The following CRISPLD2 variants were observed in gnomAD, a reference collection of about 807,000 sequenced individuals.
CRISPLD2 encodes the protein cysteine-rich secretory protein LCCL domain-containing 2.
In CRISPLD2, 47 loss-of-function variants were observed where a neutral mutation model predicts 71.1. The observed-to-expected ratio is 0.66, with a 90% CI of 0.52 to 0.84. CRISPLD2 has a LOEUF of 0.84. CRISPLD2 is among the 40% of genes least tolerant of loss of function. The pLI, the probability that CRISPLD2 is intolerant of heterozygous loss-of-function variation, is 0.00. For missense variants in CRISPLD2, 830 were observed against 651.1 expected (o/e 1.27, Z -2.99); for synonymous variants, 317 against 250.1 (o/e 1.27, Z -2.52).
At chr16:84,902,073 A>T (rs965295044) in intron 14 of CRISPLD2, among the ~76,000 whole-genome samples, 5 of 151,912 alleles carry the variant, frequency 3.3e-5, no homozygotes, top group Admixed American at 3.3e-4. Context: ...TGCTGGGATG[A>T]CAGGCGTGAG....
chr16:84,858,750 C>T (rs1470046602), intron 6 of CRISPLD2, among the ~76,000 whole-genome samples: 1 of 152,246 alleles, frequency 6.6e-6, no homozygotes, highest in Non-Finnish European at 1.5e-5. Context: ...GCTGGCCTTT[C>T]AGCTGAAGGC....
At chr16:84,896,581 AT>A (rs1425061905) in intron 14 of CRISPLD2, among the ~76,000 whole-genome samples, 1 of 152,002 alleles carries the variant, frequency 6.6e-6, no homozygotes, top group East Asian at 1.9e-4. Flanking sequence ...GTGTTAGGTG[AT>A]TTTGCTCAGC....
Position 84,889,381 on chromosome 16 carries a change from A to C in CRISPLD2, c.1439+18A>C. 1 of 1,598,002 alleles carries C rather than the reference A, an allele frequency of 6.3e-7. No individual in the cohort carries two copies. Among genetic ancestry groups the C allele is most frequent in the Non-Finnish European group, 8.5e-7 (1 of 1,169,834 alleles). On this transcript the variant is annotated intron_variant, in intron 14 of 14. Transcript: ENST00000262424. ...TCTGAAAGGTAGGGTGGTGTTCTCCAACCCTTGACACCCAATCCCGGCTGC... is the reference window on the plus strand; with the variant it reads ...TCTGAAAGGTAGGGTGGTGTTCTCCCACCCTTGACACCCAATCCCGGCTGC...
intron 8 of CRISPLD2, among the ~76,000 whole-genome samples, chr16:84,870,532 G>T (rs1449217005): frequency 3.3e-5 from 5 of 152,050 alleles, no homozygotes; most frequent in Non-Finnish European, 5.9e-5. Context: ...GGCCAGGCTG[G>T]TCTCAAACTC....
At chr16:84,860,039 G>A (rs1917339346) in intron 6 of CRISPLD2, among the ~76,000 whole-genome samples, 1 of 151,704 alleles carries the variant, frequency 6.6e-6, no homozygotes, top group African/African-American at 2.4e-5. Flanking sequence ...GAATGAGTAG[G>A]TCCAAAATGA....
intron 14 of CRISPLD2, among the ~76,000 whole-genome samples, chr16:84,900,180 G>T (rs574558513): frequency 1.2e-4 from 19 of 152,184 alleles, no homozygotes; most frequent in African/African-American, 4.6e-4. Flanking sequence ...CTCTCCGAGT[G>T]CTCCCATCTG....
intron 1 of CRISPLD2, among the ~76,000 whole-genome samples, chr16:84,822,024 G>A (rs921331363): frequency 6.6e-6 from 1 of 152,232 alleles, no homozygotes; most frequent in Non-Finnish European, 1.5e-5. Flanking sequence ...CCAGCCACAT[G>A]ACTGTCCCAG....
intron 1 of CRISPLD2, among the ~76,000 whole-genome samples, chr16:84,827,708 A>T (rs1029298459): frequency 3.3e-5 from 5 of 152,038 alleles, no homozygotes; most frequent in Non-Finnish European, 7.4e-5. Context: ...CTGGGACTAC[A>T]GGCATGTGCC....
At chr16:84,825,507 G>A (rs1269084182) in intron 1 of CRISPLD2, among the ~76,000 whole-genome samples, 1 of 152,152 alleles carries the variant, frequency 6.6e-6, no homozygotes, top group African/African-American at 2.4e-5. Context: ...TATAGTCTCA[G>A]CACTTTGGGA....
intron 13 of CRISPLD2, among the ~76,000 whole-genome samples, chr16:84,887,616 C>T (rs1177061445): frequency 1.3e-5 from 2 of 152,220 alleles, no homozygotes; most frequent in African/African-American, 4.8e-5. Context: ...GCGGCTCACG[C>T]CTGTAGTCCC....
intron 3 of CRISPLD2, among the ~76,000 whole-genome samples, chr16:84,847,855 A>C (rs955830839): frequency 6.6e-6 from 1 of 152,172 alleles, no homozygotes; most frequent in South Asian, 2.1e-4. Flanking sequence ...ATACAATATC[A>C]GGAAATTTTC....
At chr16:84,893,026 G>A (rs983242089) in intron 14 of CRISPLD2, among the ~76,000 whole-genome samples, 44 of 145,486 alleles carry the variant, frequency 3.0e-4, no homozygotes, top group African/African-American at 1.1e-3. Context: ...TATTCATCAC[G>A]CACCTGTGCT....
At position 84,882,157 on chromosome 16, in the gene CRISPLD2, A is replaced by G. The variant is rs185179890; in HGVS notation, c.1305+1573A>G. Among the ~76,000 whole-genome samples the G allele has an allele frequency of 3.3e-5, 5 of 152,294 alleles. No individual in the cohort carries two copies. The East Asian group carries it at 9.6e-4, about 29-fold the overall frequency. On this transcript the variant is annotated intron_variant, in intron 13 of 14. Transcript: ENST00000262424. ...TAAAAATAAAGAGCTGGGCAAAGCA[A>G]TCCCAGCCAAATACAAACAAACACA... is the stretch of plus-strand genomic sequence containing the variant.
intron 13 of CRISPLD2, among the ~76,000 whole-genome samples, chr16:84,888,542 C>T (rs879174099): frequency 1.3e-5 from 2 of 152,212 alleles, no homozygotes; most frequent in African/African-American, 2.4e-5. Flanking sequence ...TACCCAGCTG[C>T]TCCCTTGGTA....
chr16:84,853,308 C>T (rs544647057), intron 5 of CRISPLD2, among the ~76,000 whole-genome samples: 4 of 152,202 alleles, frequency 2.6e-5, no homozygotes, highest in African/African-American at 7.2e-5. Flanking sequence ...TGGGACCTCT[C>T]GGTCCCTTGG....
At chr16:84,824,555 G>C (rs1245580324) in intron 1 of CRISPLD2, among the ~76,000 whole-genome samples, 1 of 152,104 alleles carries the variant, frequency 6.6e-6, no homozygotes, top group Non-Finnish European at 1.5e-5. Flanking sequence ...GTCACAGGTG[G>C]AATTGTCCCT....
At chr16:84,845,928 G>A (rs761068035) in intron 3 of CRISPLD2, 24 bp downstream of exon 3, 16 of 1,480,494 alleles carry the variant, frequency 1.1e-5, no homozygotes, top group South Asian at 5.7e-5. Context: ...GTTCCTCTCC[G>A]GCTGCCGCAG....
At chr16:84,894,163 A>G (rs1057474444) in intron 14 of CRISPLD2, among the ~76,000 whole-genome samples, 11 of 152,308 alleles carry the variant, frequency 7.2e-5, no homozygotes, top group South Asian at 2.1e-4. Flanking sequence ...AGGCAACATA[A>G]GAGACTAGCA....
In CRISPLD2 at chr16:84,865,878, A is replaced by G. The variant is rs549311725; in HGVS notation, c.710-1019A>G. Among the ~76,000 whole-genome samples the G allele has an allele frequency of 2.0e-5, 3 of 152,216 alleles. No individual in the cohort carries two copies. The South Asian group carries it at 6.2e-4, about 31-fold the overall frequency. Reference sequence around the variant, plus strand: ...TTGGTTAATTAAAATGTTTTAAAACATGGGTCATGGTCATAGTTGGAGAAA... The same window carrying G: ...TTGGTTAATTAAAATGTTTTAAAACGTGGGTCATGGTCATAGTTGGAGAAA... On this transcript the variant is annotated intron_variant, in intron 6 of 14. Coordinates refer to ENST00000262424, the MANE Select transcript of CRISPLD2 (RefSeq NM_031476.4).
Sources: gnomAD v4.1 joint callset for allele counts (sites outside exome capture counted in the v4.1 genomes callset) on GRCh38, gnomAD v4.1.1 for gene constraint, MANE v1.5 for transcripts, NCBI Gene and HGNC (gene_info 2026-07-23, HGNC 2026-07-21) for gene names.